PCDH19: variants seen among roughly 807,000 people sequenced by gnomAD.
The protein encoded by PCDH19 is protocadherin-19.
Under a neutral mutation model 46.2 loss-of-function variants are expected in PCDH19, and 6 were observed. The ratio of observed to expected loss-of-function variants is 0.13; its 90% CI spans 0.07 to 0.26. PCDH19 has a LOEUF of 0.26. Among genes scored for constraint, PCDH19 ranks in the 10% least tolerant of loss-of-function variants. The pLI is 1.00. For missense variants in PCDH19, 740 were observed against 972.3 expected, an observed-to-expected ratio of 0.76 and a Z score of 3.18; for synonymous variants, 481 against 415.7, an observed-to-expected ratio of 1.16 and a Z score of -1.91.
intron 2 of PCDH19, among the ~76,000 whole-genome samples, 190 bp from the exon 3 acceptor site, chrX:100,403,041 T>C (rs1312375719): frequency 9.0e-6 from 1 of 111,473 alleles, no homozygotes; most frequent in Non-Finnish European, 1.9e-5. Flanking sequence ...AAACTTTTCA[T>C]ATTAAACATA....
At position 100,342,025 on chromosome X, in the gene PCDH19, T is replaced by C. The variant is rs757664012; in HGVS notation, c.2726A>G (p.His909Arg). 1.2e-5 allele frequency: 14 copies of C among 1,208,520 alleles called. No homozygotes were observed. The highest frequency in any genetic ancestry group is 1.6e-5 in the Non-Finnish European group (14 of 893,832). Residue 909 changes from histidine (H) to arginine (R), a missense_variant, in exon 5 of 6, where the codon CAT becomes CGT. By Grantham distance (29) the His-to-Arg change is conservative (BLOSUM62 0). Coordinates refer to ENST00000373034, the MANE Select transcript of PCDH19 (RefSeq NM_001184880.2). ...LEGNSLKDSG[H>R]EESDQTDSEH... ...ACTGTCAGTTTGGTCACTCTCCTCA[T>C]GTCCACTATCCTTCAGGCTGTTGCC...
chrX:100,374,605 T>C (rs1184683788), intron 3 of PCDH19, among the ~76,000 whole-genome samples: 2 of 112,034 alleles, frequency 1.8e-5, no homozygotes, highest in Non-Finnish European at 3.8e-5. Flanking sequence ...CCATCATCCA[T>C]AAATTATGCT....
At chrX:100,367,853 T>C (rs1313499814) in intron 3 of PCDH19, among the ~76,000 whole-genome samples, 1 of 111,290 alleles carries the variant, frequency 9.0e-6, no homozygotes, top group Non-Finnish European at 1.9e-5. Context: ...GGGTAACACA[T>C]GCCATCAGAA....
At position 100,296,444 on chromosome X, in the gene PCDH19, G is replaced by C. The variant is rs184545774; in HGVS notation, c.3280C>G (p.Leu1094Val). ...TTGACATTGTTGACATACTGCTCCA[G>C]ATCACGGGCTGGGGGAGCCAGGGCA... ...TIALAPPARD[L>V]EQYVNNVNNG... The change falls in exon 6 of 6, where the codon CTG becomes GTG. Residue 1094 changes from leucine to valine, a missense_variant. By Grantham distance (32) the Leu-to-Val change is conservative. This residue lies in a region of PCDH19 where 416 missense variants were observed against 476.8 expected (regional missense o/e 0.87). Transcript: ENST00000373034. 2,982 of 1,209,488 alleles carry C rather than the reference G, an allele frequency of 2.5e-3. 2 individuals are homozygous for C. The highest frequency in any genetic ancestry group is 3.9e-3 in the Middle Eastern group (17 of 4,355).
At chrX:100,377,078 A>AT (rs1927408206) in intron 3 of PCDH19, among the ~76,000 whole-genome samples, 1 of 112,354 alleles carries the variant, frequency 8.9e-6, no homozygotes, top group Non-Finnish European at 1.9e-5. Flanking sequence ...GTTAGAGCAC[A>AT]GTCTACATAG....
intron 3 of PCDH19, among the ~76,000 whole-genome samples, chrX:100,386,481 C>T (rs1254797112): frequency 8.9e-6 from 1 of 112,166 alleles, no homozygotes; most frequent in Admixed American, 9.5e-5. Context: ...TATGAATTTA[C>T]ATAATATTAC....
rs1484034260 is a variant in PCDH19, at chrX:100,341,948, G to A, written c.2803C>T (p.Leu935=). 8.3e-7 allele frequency: 1 copy of A among 1,208,433 alleles called. No individual in the cohort carries two copies. The highest frequency in any genetic ancestry group is 1.1e-6 in the Non-Finnish European group (1 of 893,789). ...CCCATGGAGGTCACACTGGTGTTCA[G>A]CACATCGTTGACAGCAGTATCACAA... is the stretch of plus-strand genomic sequence containing the variant. ...LYCDTAVNDV[L]NTSVTSMGSQ... is the part of the protein sequence containing the mutation. Residue 935 remains leucine, a synonymous_variant, in exon 5 of 6, where the codon CTG becomes TTG. Transcript: ENST00000373034.
chrX:100,354,634 A>C (rs775765914), intron 3 of PCDH19, among the ~76,000 whole-genome samples: 1 of 112,402 alleles, frequency 8.9e-6, no homozygotes, highest in East Asian at 2.8e-4. Flanking sequence ...AGGTCATCTC[A>C]ATATGGGATA....
Position 100,408,576 on chromosome X carries a change from C to A in PCDH19, c.22G>T (p.Val8Leu). The A allele has an allele frequency of 8.5e-7, 1 of 1,180,185 alleles. No homozygotes were observed. The highest frequency in any genetic ancestry group is 1.1e-6 in the Non-Finnish European group (1 of 884,741). The change falls in exon 1 of 6, where the codon GTG becomes TTG. Residue 8 changes from valine (V) to leucine (L), a missense_variant. Coordinates refer to ENST00000373034, the MANE Select transcript of PCDH19 (RefSeq NM_001184880.2). MESLLLP[V>L]LLLLAILWTQ... is the part of the protein sequence containing the mutation. ...CACAGTATGGCCAGCAGCAGCAGCA[C>A]CGGCAGCAGGAGCGACTCCATGGCT... is the stretch of plus-strand genomic sequence containing the variant.
rs1602639771 is a variant in PCDH19, at chrX:100,409,658, G to A, written c.-1061C>T. On this transcript the variant is annotated 5_prime_UTR_variant, in exon 1 of 6. Coordinates refer to ENST00000373034, the MANE Select transcript of PCDH19 (RefSeq NM_001184880.2). ...CAGGAGAGGCGGGGCCGCCGCCGTG[G>A]GTACCGGGTGCTTCTCTTCTCTCCG... 5.0e-6 allele frequency: 1 copy of A among 201,068 alleles called. No individual in the cohort carries two copies. The highest frequency in any genetic ancestry group is 7.1e-5 in the South Asian group (1 of 14,077). 16.6% of individuals were successfully genotyped at this position (201,068 alleles called of 1,213,427 possible).
chrX:100,390,634 T>A (rs1332637792), intron 3 of PCDH19, among the ~76,000 whole-genome samples: 4 of 111,313 alleles, frequency 3.6e-5, no homozygotes. Flanking sequence ...ATGCAGTCCA[T>A]CAGCCTCCAA....
In PCDH19 at chrX:100,379,304, TAC is replaced by T. The variant is rs200896147; in HGVS notation, c.2616+23218_2616+23219del. On this transcript the variant is annotated intron_variant, in intron 3 of 5. Coordinates refer to ENST00000373034, the MANE Select transcript of PCDH19 (RefSeq NM_001184880.2). The stretch of plus-strand genomic sequence containing the variant: ...ACCAACAACTCTGAGATCTGTCACA[TAC>T]ACACACACACACACACACACACACA... Among the ~76,000 whole-genome samples, 214 of 41,597 alleles carry T rather than the reference TAC, an allele frequency of 5.1e-3. 1 individual carries two copies. Among genetic ancestry groups the T allele is most frequent in the African/African-American group, 0.018 (211 of 12,015 alleles). 36.1% of individuals were successfully genotyped at this position (41,597 alleles called of 115,157 possible). A position where few individuals can be genotyped will look rare whatever the true frequency, so the allele number is the denominator to read the frequency against.
chrX:100,331,546 TA>T (rs1925870491), intron 5 of PCDH19, among the ~76,000 whole-genome samples: 1 of 111,621 alleles, frequency 9.0e-6, no homozygotes, highest in South Asian at 3.8e-4. Flanking sequence ...TGATGATTGA[TA>T]TGGTTTAGCT....
chrX:100,408,610 C>T lies in PCDH19; in HGVS notation c.-13G>A, dbSNP rs1197803513. Reference sequence around the variant, plus strand: ...GGAGCGACTCCATGGCTGCACGGGGCTCTGCCTGGCCTCGCCTCTCCACAC... The same window carrying T: ...GGAGCGACTCCATGGCTGCACGGGGTTCTGCCTGGCCTCGCCTCTCCACAC... On this transcript the variant is annotated 5_prime_UTR_variant, in exon 1 of 6. Coordinates refer to ENST00000373034, the MANE Select transcript of PCDH19 (RefSeq NM_001184880.2). 8.8e-7 allele frequency: 1 copy of T among 1,136,439 alleles called. No individual in the cohort carries two copies. The highest frequency in any genetic ancestry group is 1.8e-5 in the African/African-American group (1 of 55,956). 93.7% of individuals were successfully genotyped at this position (1,136,439 alleles called of 1,213,427 possible). A position where few individuals can be genotyped will look rare whatever the true frequency, so the allele number is the denominator to read the frequency against.
intron 5 of PCDH19, among the ~76,000 whole-genome samples, chrX:100,309,127 T>G (rs973923286): frequency 1.1e-5 from 1 of 92,029 alleles, no homozygotes; most frequent in Admixed American, 1.3e-4. Context: ...CATCAATCAA[T>G]GAGAGGATAC....
intron 3 of PCDH19, among the ~76,000 whole-genome samples, chrX:100,371,016 TGTGTGTGTGG>T (rs1446318294): frequency 9.1e-6 from 1 of 109,879 alleles, no homozygotes; most frequent in Non-Finnish European, 1.9e-5. Context: ...TGTGTGTGTG[TGTGTGTGTGG>T]GTGTGTGTGT....
Position 100,407,724 on chromosome X carries a change from C to T in PCDH19, c.874G>A (p.Asp292Asn). ...NDRTRELFQI[D>N]PHSGLVTVTG... Reference sequence around the variant, plus strand: ...ACAGTGACCAGGCCACTGTGCGGGTCGATCTGAAAGAGCTCGCGCGTGCGG... The same window carrying T: ...ACAGTGACCAGGCCACTGTGCGGGTTGATCTGAAAGAGCTCGCGCGTGCGG... The change falls in exon 1 of 6, where the codon GAC (aspartate) becomes AAC (asparagine). Residue 292 changes from aspartate to asparagine, a missense_variant. Around this residue, in one of 5 missense-constraint regions of PCDH19, gnomAD observed 186 missense variants for 319.9 expected, o/e 0.58. Coordinates refer to ENST00000373034, the MANE Select transcript of PCDH19 (RefSeq NM_001184880.2). 1 of 1,212,273 alleles carries T rather than the reference C, an allele frequency of 8.2e-7. No individual in the cohort carries two copies. The highest frequency in any genetic ancestry group is 1.8e-5 in the South Asian group (1 of 57,033).
At chrX:100,352,285 A>G (rs1926593609) in intron 3 of PCDH19, among the ~76,000 whole-genome samples, 1 of 112,587 alleles carries the variant, frequency 8.9e-6, no homozygotes, top group African/African-American at 3.2e-5. Flanking sequence ...TGTGTTAGGA[A>G]TACAATCCAA....
chrX:100,317,775 C>G (rs1444977242), intron 5 of PCDH19, among the ~76,000 whole-genome samples: 1 of 111,001 alleles, frequency 9.0e-6, no homozygotes, highest in Non-Finnish European at 1.9e-5. Flanking sequence ...CCTTCCCACA[C>G]ACACATACAT....
Sources: allele counts gnomAD v4.1 joint callset (sites outside exome capture counted in the v4.1 genomes callset), GRCh38; gene constraint gnomAD v4.1.1; regional missense constraint gnomAD v4.1.1; transcripts MANE v1.5; gene names NCBI Gene and HGNC (gene_info 2026-07-23, HGNC 2026-07-21).